The following APBB1IP variants were observed in gnomAD, a reference collection of about 807,000 sequenced individuals.
APBB1IP encodes the protein amyloid beta A4 precursor protein-binding family B member 1-interacting protein.
A neutral mutation model predicts 64.9 loss-of-function variants in APBB1IP; 27 were observed. The ratio of observed to expected loss-of-function variants is 0.42; its 90% CI spans 0.31 to 0.57. The LOEUF is 0.57. APBB1IP is among the 20% of genes least tolerant of loss of function. The pLI, the probability that APBB1IP is intolerant of heterozygous loss-of-function variation, is 0.20. For synonymous variants in APBB1IP, 392 were observed against 331.0 expected (o/e 1.18, Z -2.00); for missense variants, 812 against 845.5 (o/e 0.96, Z 0.49).
At chr10:26,479,756 A>G (rs1164425964) in intron 2 of APBB1IP, among the ~76,000 whole-genome samples, 1 of 152,152 alleles carries the variant, frequency 6.6e-6, no homozygotes, top group Non-Finnish European at 1.5e-5. Flanking sequence ...TTGAAATACA[A>G]TTTTCTGTAT....
intron 4 of APBB1IP, among the ~76,000 whole-genome samples, chr10:26,500,345 C>A (rs778573136): frequency 1.3e-5 from 2 of 152,168 alleles, no homozygotes; most frequent in Non-Finnish European, 2.9e-5. Flanking sequence ...CACATTAAAT[C>A]CCCATTGGTT....
At chr10:26,462,485 A>G (rs1335850999) in intron 2 of APBB1IP, among the ~76,000 whole-genome samples, 1 of 152,224 alleles carries the variant, frequency 6.6e-6, no homozygotes, top group Non-Finnish European at 1.5e-5. Flanking sequence ...CCTACTCACC[A>G]TGCATTGAGA....
chr10:26,482,325 C>T (rs897837789), intron 2 of APBB1IP, among the ~76,000 whole-genome samples: 1 of 152,180 alleles, frequency 6.6e-6, no homozygotes, highest in African/African-American at 2.4e-5. Context: ...ACAGAAGCCT[C>T]GGCTTCCCCT....
intron 2 of APBB1IP, among the ~76,000 whole-genome samples, chr10:26,447,520 G>A (rs1835415408): frequency 6.6e-6 from 1 of 152,068 alleles, no homozygotes; most frequent in African/African-American, 2.4e-5. Context: ...AGAATCTAAT[G>A]TAACATAGAA....
Position 26,490,441 on chromosome 10 carries a change from A to G in APBB1IP, c.1-1886A>G, listed in dbSNP as rs1835941376. 2.0e-5 allele frequency among the ~76,000 whole-genome samples: 3 copies of G among 152,242 alleles called. No homozygotes were observed. The South Asian group carries it at 6.2e-4, about 32-fold the overall frequency. The stretch of plus-strand genomic sequence containing the variant: ...GGAGTTTCAGACCACCCTGGCCAAC[A>G]TGGCGAAACCCCGTCTCTACTAAAA... On this transcript the variant is annotated intron_variant, in intron 2 of 14. Transcript: ENST00000376236.
At chr10:26,565,418 G>A (rs1385133277) in intron 14 of APBB1IP, among the ~76,000 whole-genome samples, 1 of 152,220 alleles carries the variant, frequency 6.6e-6, no homozygotes, top group Non-Finnish European at 1.5e-5. Context: ...AGGAATGAAT[G>A]AGCTGAGGGT....
intron 13 of APBB1IP, chr10:26,562,013 C>T: frequency 4.9e-6 from 1 of 205,130 alleles, no homozygotes. Flanking sequence ...TGTTACTCTC[C>T]AGGATCCCAG....
chr10:26,509,332 C>T (rs1036405845), intron 6 of APBB1IP, among the ~76,000 whole-genome samples: 2 of 152,254 alleles, frequency 1.3e-5, no homozygotes, highest in East Asian at 3.9e-4. Context: ...TGGGATAAGG[C>T]TCTGATTTAA....
chr10:26,444,545 A>G (rs1427927095), intron 2 of APBB1IP, among the ~76,000 whole-genome samples: 3 of 152,202 alleles, frequency 2.0e-5, no homozygotes, highest in African/African-American at 4.8e-5. Flanking sequence ...GGAGTCAAGG[A>G]TGACTTCAAA....
intron 11 of APBB1IP, among the ~76,000 whole-genome samples, chr10:26,558,140 A>C (rs11015177): frequency 6.0e-5 from 9 of 148,970 alleles, no homozygotes; most frequent in African/African-American, 9.9e-5. Flanking sequence ...CACACACACA[A>C]ACACACACAC....
At chr10:26,552,085 G>A (rs1300417138) in intron 11 of APBB1IP, among the ~76,000 whole-genome samples, 2 of 152,176 alleles carry the variant, frequency 1.3e-5, no homozygotes, top group Admixed American at 1.3e-4. Flanking sequence ...GATCGCTTGA[G>A]CCCAGGAGCT....
Position 26,533,360 on chromosome 10 carries a change from C to T in APBB1IP, c.814-79C>T, listed in dbSNP as rs571950800. 89 of 800,080 alleles carry T rather than the reference C, an allele frequency of 1.1e-4. 2 individuals are homozygous for T. The South Asian group carries it at 2.0e-3, about 18-fold the overall frequency. The allele number at this position is 800,080 out of a possible 1,614,324, so 49.6% of individuals were successfully genotyped here. Reference sequence around the variant, plus strand: ...TTTCACACACTTAACATCTTCTTTCCAGCAAGACTGTGAGTTCCTTGCAGA... The same window carrying T: ...TTTCACACACTTAACATCTTCTTTCTAGCAAGACTGTGAGTTCCTTGCAGA... On this transcript the variant is annotated intron_variant, in intron 8 of 14. Transcript: ENST00000376236.
chr10:26,545,129 T>C (rs1836743949), intron 11 of APBB1IP, among the ~76,000 whole-genome samples: 1 of 152,228 alleles, frequency 6.6e-6, no homozygotes, highest in Non-Finnish European at 1.5e-5. Flanking sequence ...GAATTCTTAT[T>C]AATTTGCTGA....
At chr10:26,463,013 G>A (rs1835610508) in intron 2 of APBB1IP, among the ~76,000 whole-genome samples, 1 of 151,904 alleles carries the variant, frequency 6.6e-6, no homozygotes, top group South Asian at 2.1e-4. Context: ...ATGAACATGG[G>A]CATTTATAGA....
chr10:26,463,284 C>A (rs902771604), intron 2 of APBB1IP, among the ~76,000 whole-genome samples: 1 of 151,868 alleles, frequency 6.6e-6, no homozygotes, highest in African/African-American at 2.4e-5. Flanking sequence ...CCAAAAAATT[C>A]AAAAAATTAG....
intron 2 of APBB1IP, among the ~76,000 whole-genome samples, chr10:26,478,857 G>GCCT (rs1835805581): frequency 6.6e-6 from 1 of 152,012 alleles, no homozygotes; most frequent in Admixed American, 6.6e-5. Flanking sequence ...CACAATTTTG[G>GCCT]GAGGCTCCCT....
chr10:26,541,762 T>C, intron 11 of APBB1IP, 70 bp downstream of exon 11: 2 of 1,176,484 alleles, frequency 1.7e-6, no homozygotes, highest in Non-Finnish European at 2.4e-6. Context: ...AGGAAGAAAA[T>C]GTTAAATTAT....
At position 26,567,232 on chromosome 10, in the gene APBB1IP, T is replaced by TCGTGCC. The variant is rs766249773; in HGVS notation, c.1747_1752dup (p.Val583_Pro584dup). ...GACTTCATGGAGCCGCCCCCAGACT[T>TCGTGCC]CGTGCCCCCGCCCCCGCCGTCGTAC... On this transcript the variant is annotated inframe_insertion, in exon 15 of 15. Coordinates refer to ENST00000376236, the MANE Select transcript of APBB1IP (RefSeq NM_019043.4). The TCGTGCC allele has an allele frequency of 7.6e-4, 1,014 of 1,329,218 alleles. 5 individuals carry two copies. The African/African-American group carries it at 0.015, about 20-fold the overall frequency. 82.3% of individuals were successfully genotyped at this position (1,329,218 alleles called of 1,614,324 possible). A position where few individuals can be genotyped will look rare whatever the true frequency, so the allele number is the denominator to read the frequency against.
intron 10 of APBB1IP, among the ~76,000 whole-genome samples, chr10:26,538,551 G>A (rs1289618569): frequency 6.6e-6 from 1 of 150,602 alleles, no homozygotes; most frequent in African/African-American, 2.4e-5. Flanking sequence ...TGAGGCAGAA[G>A]AATTGCTTGA....
Sources: allele counts gnomAD v4.1 joint callset (sites outside exome capture counted in the v4.1 genomes callset), GRCh38; gene constraint gnomAD v4.1.1; transcripts MANE v1.5; gene names NCBI Gene and HGNC (gene_info 2026-07-23, HGNC 2026-07-21).